Variants in SYN2 observed in about 807,000 individuals in gnomAD.
SYN2 encodes synapsin-2.
A neutral mutation model predicts 50.9 loss-of-function variants in SYN2; 19 were observed. That is an observed-to-expected ratio of 0.37 (90% CI 0.26 to 0.55). The LOEUF (loss-of-function observed/expected upper bound fraction) is 0.55, where lower values mean the gene tolerates loss of function less well. Among genes scored for constraint, SYN2 ranks in the 20% least tolerant of loss-of-function variants. SYN2 has a pLI of 0.81. For missense variants in SYN2, 587 were observed against 576.4 expected (o/e 1.02, Z -0.19); for synonymous variants, 255 against 224.9 (o/e 1.13, Z -1.20).
At chr3:12,019,259 C>A (rs538900393) in intron 1 of SYN2, among the ~76,000 whole-genome samples, 55 of 152,270 alleles carry the variant, frequency 3.6e-4, no homozygotes, top group African/African-American at 1.2e-3. Flanking sequence ...GTTCTTGGGA[C>A]ATTTAAGGCA....
chr3:12,009,529 T>C (rs1192258454), intron 1 of SYN2, among the ~76,000 whole-genome samples: 2 of 152,212 alleles, frequency 1.3e-5, no homozygotes, highest in Admixed American at 6.5e-5. Context: ...CAAGGTCAAA[T>C]GAGAAGTTAG....
intron 1 of SYN2, among the ~76,000 whole-genome samples, chr3:12,010,020 G>A (rs1004358354): frequency 1.3e-5 from 2 of 152,072 alleles, no homozygotes; most frequent in Admixed American, 6.6e-5. Flanking sequence ...TCTTGAACCC[G>A]AGAGATAGAG....
chr3:12,159,034 C>T, intron 5 of SYN2: 1 of 690,842 alleles, frequency 1.4e-6, no homozygotes, highest in Admixed American at 3.5e-5. Context: ...GCTCTTCCGA[C>T]CTGCATACTC....
At chr3:12,059,338 T>C (rs924543902) in intron 1 of SYN2, among the ~76,000 whole-genome samples, 1 of 152,148 alleles carries the variant, frequency 6.6e-6, no homozygotes, top group African/African-American at 2.4e-5. Flanking sequence ...ACGGGATAAG[T>C]GGGTGGTGGG....
intron 11 of SYN2, among the ~76,000 whole-genome samples, chr3:12,185,890 A>G (rs560843935): frequency 6.6e-6 from 1 of 152,362 alleles, no homozygotes; most frequent in African/African-American, 2.4e-5. Context: ...AAGCTGGTTA[A>G]TGTGAAATAA....
intron 1 of SYN2, among the ~76,000 whole-genome samples, chr3:12,084,102 G>T (rs984476014): frequency 6.6e-6 from 1 of 152,056 alleles, no homozygotes; most frequent in Non-Finnish European, 1.5e-5. Flanking sequence ...ATTTATTTCT[G>T]CCCCTTGAGT....
At chr3:12,165,077 C>T (rs1697749968) in intron 7 of SYN2, among the ~76,000 whole-genome samples, 1 of 151,448 alleles carries the variant, frequency 6.6e-6, no homozygotes, top group African/African-American at 2.4e-5. Flanking sequence ...ACCTCCGCCT[C>T]CCTGGTTCAA....
At chr3:12,064,595 C>T (rs990384770) in intron 1 of SYN2, among the ~76,000 whole-genome samples, 1 of 151,984 alleles carries the variant, frequency 6.6e-6, no homozygotes, top group African/African-American at 2.4e-5. Context: ...CTCCAAAGAA[C>T]ATATACAAAA....
At chr3:12,039,711 G>A (rs564283140) in intron 1 of SYN2, among the ~76,000 whole-genome samples, 51 of 152,256 alleles carry the variant, frequency 3.3e-4, no homozygotes, top group African/African-American at 1.2e-3. Context: ...TGTAGTAACA[G>A]AATTGGTCCT....
chr3:12,077,820 C>T (rs1189327060), intron 1 of SYN2, among the ~76,000 whole-genome samples: 1 of 152,060 alleles, frequency 6.6e-6, no homozygotes, highest in Non-Finnish European at 1.5e-5. Context: ...ATTTATATTC[C>T]TTTGGGTATA....
chr3:12,149,318 G>C (rs1697223831), intron 4 of SYN2, among the ~76,000 whole-genome samples: 1 of 152,226 alleles, frequency 6.6e-6, no homozygotes, highest in Admixed American at 6.5e-5. Context: ...AGCACAGGCA[G>C]GTGTCCAGAG....
chr3:12,184,139 T>C (rs1698287896), intron 11 of SYN2: 1 of 985,966 alleles, frequency 1.0e-6, no homozygotes, highest in Non-Finnish European at 1.2e-6. Flanking sequence ...AAGAACAAGC[T>C]ATTTCCAGGA....
In SYN2 at chr3:12,097,336, G is replaced by A. The variant is rs554442293; in HGVS notation, c.378-43315G>A. Among the ~76,000 whole-genome samples, 3 of 152,278 alleles carry A rather than the reference G, an allele frequency of 2.0e-5. No individual in the cohort carries two copies. In the East Asian group the frequency reaches 5.8e-4, roughly 29 times the overall value. On this transcript the variant is annotated intron_variant, in intron 1 of 12. Coordinates refer to ENST00000621198, the MANE Select transcript of SYN2 (RefSeq NM_133625.6). ...ATGTGGCACATAATGGCCGGGTGCG[G>A]TGGCTAATGCTTGTAATCCCAGCAC...
intron 1 of SYN2, among the ~76,000 whole-genome samples, chr3:12,040,972 T>A (rs960912875): frequency 6.6e-6 from 1 of 152,234 alleles, no homozygotes; most frequent in East Asian, 1.9e-4. Flanking sequence ...GGAGAAAAGA[T>A]GAAGCTTTGA....
At chr3:12,064,471 A>G (rs1045346412) in intron 1 of SYN2, among the ~76,000 whole-genome samples, 3 of 152,158 alleles carry the variant, frequency 2.0e-5, no homozygotes, top group African/African-American at 7.2e-5. Context: ...TCGGGGGGAA[A>G]GTAAATAATG....
chr3:12,111,155 G>A (rs1202783763), intron 1 of SYN2, among the ~76,000 whole-genome samples: 1 of 152,152 alleles, frequency 6.6e-6, no homozygotes, highest in African/African-American at 2.4e-5. Flanking sequence ...GATCTTTCCT[G>A]TGCTGTTCTC....
chr3:12,139,093 G>T (rs1479583993), intron 1 of SYN2, among the ~76,000 whole-genome samples: 1 of 152,162 alleles, frequency 6.6e-6, no homozygotes, highest in African/African-American at 2.4e-5. Flanking sequence ...TTGGGGCAGA[G>T]GTGGGGGGTG....
intron 1 of SYN2, among the ~76,000 whole-genome samples, chr3:12,086,170 A>G (rs964357195): frequency 1.3e-5 from 2 of 152,186 alleles, no homozygotes; most frequent in Non-Finnish European, 2.9e-5. Flanking sequence ...AAGATGAATC[A>G]AGAAGAAATA....
chr3:12,005,655 T>C (rs1003672912), intron 1 of SYN2, among the ~76,000 whole-genome samples: 1 of 151,822 alleles, frequency 6.6e-6, no homozygotes, highest in African/African-American at 2.4e-5. Context: ...AATGGTAGCT[T>C]TTTCTAGCTG....
Sources: allele counts gnomAD v4.1 joint callset (sites outside exome capture counted in the v4.1 genomes callset), GRCh38; gene constraint gnomAD v4.1.1; transcripts MANE v1.5; gene names NCBI Gene and HGNC (gene_info 2026-07-23, HGNC 2026-07-21).